SYNPR: variants seen among roughly 807,000 people sequenced by gnomAD.
The protein encoded by SYNPR is synaptoporin.
In SYNPR, 23 loss-of-function variants were observed where a neutral mutation model predicts 32.9. The ratio of observed to expected loss-of-function variants is 0.70; its 90% CI spans 0.50 to 0.99. The LOEUF is 0.99. SYNPR is among the 50% of genes least tolerant of loss of function. The probability of loss-of-function intolerance (pLI) is 0.00; values close to 1 mark genes in which losing one functional copy is unlikely to be tolerated. For missense variants in SYNPR, 318 were observed against 349.3 expected, an observed-to-expected ratio of 0.91 and a Z score of 0.71; for synonymous variants, 146 against 135.9, an observed-to-expected ratio of 1.07 and a Z score of -0.52.
At chr3:63,554,752 T>C (rs1456336849) in intron 3 of SYNPR, among the ~76,000 whole-genome samples, 1 of 152,020 alleles carries the variant, frequency 6.6e-6, no homozygotes, top group African/African-American at 2.4e-5. Flanking sequence ...CTGTGAAGAA[T>C]GACATTGGTA....
intron 2 of SYNPR, among the ~76,000 whole-genome samples, chr3:63,337,269 A>G (rs2087307229): frequency 6.6e-6 from 1 of 151,682 alleles, no homozygotes; most frequent in South Asian, 2.1e-4. Flanking sequence ...TGCTCAACAT[A>G]AAATGTCATT....
chr3:63,420,963 C>A (rs1224003749), intron 2 of SYNPR, among the ~76,000 whole-genome samples: 1 of 152,144 alleles, frequency 6.6e-6, no homozygotes, highest in African/African-American at 2.4e-5. Flanking sequence ...TCACTGCAGC[C>A]TCAACCTCCC....
chr3:63,362,956 C>T (rs2087680783), intron 2 of SYNPR, among the ~76,000 whole-genome samples: 1 of 152,100 alleles, frequency 6.6e-6, no homozygotes. Flanking sequence ...AGGAGACTGC[C>T]ACCACCACTA....
the SYNPR span, among the ~76,000 whole-genome samples, chr3:63,222,259 T>TA: frequency 6.6e-6 from 1 of 151,912 alleles, no homozygotes; most frequent in African/African-American, 2.4e-5. Flanking sequence ...AACCCTGATA[T>TA]AAAGGTGATA....
chr3:63,578,053 T>C (rs1703018504), intron 4 of SYNPR, among the ~76,000 whole-genome samples: 2 of 152,178 alleles, frequency 1.3e-5, no homozygotes, highest in Non-Finnish European at 2.9e-5. Context: ...ACATGCACTA[T>C]GTCATTTAAA....
At chr3:63,264,866 A>C (rs1321697755) in intron 2 of SYNPR, among the ~76,000 whole-genome samples, 1 of 151,976 alleles carries the variant, frequency 6.6e-6, no homozygotes, top group Admixed American at 6.6e-5. Flanking sequence ...AAACCGTCAG[A>C]TCTCCCGAGA....
At chr3:63,518,092 T>C (rs1170146021) in intron 3 of SYNPR, among the ~76,000 whole-genome samples, 1 of 152,096 alleles carries the variant, frequency 6.6e-6, no homozygotes, top group Admixed American at 6.6e-5. Flanking sequence ...TTACAGATTA[T>C]ATGACCATAC....
chr3:63,572,076 C>A (rs917297423), intron 4 of SYNPR, among the ~76,000 whole-genome samples: 1 of 152,186 alleles, frequency 6.6e-6, no homozygotes, highest in Non-Finnish European at 1.5e-5. Flanking sequence ...ACCCTCACAT[C>A]CACTTGACTT....
chr3:63,535,431 C>A (rs11924284), intron 3 of SYNPR, among the ~76,000 whole-genome samples: 33,245 of 151,930 alleles, frequency 0.22, 3,699 homozygotes, highest in East Asian at 0.32. Context: ...AGTAGGACTA[C>A]ATACAGAAGA....
chr3:63,562,031 CAGTA>C (rs1702699649), intron 4 of SYNPR, among the ~76,000 whole-genome samples: 1 of 152,162 alleles, frequency 6.6e-6, no homozygotes, highest in Non-Finnish European at 1.5e-5. Context: ...TATGTCACTA[CAGTA>C]AGTGTCTTCA....
chr3:63,409,058 A>G (rs1019102999), intron 2 of SYNPR, among the ~76,000 whole-genome samples: 23 of 151,980 alleles, frequency 1.5e-4, no homozygotes, highest in Admixed American at 5.2e-4. Context: ...CTGACTCCCT[A>G]AAGATCAATC....
chr3:63,561,107 G>T (rs557601895), intron 4 of SYNPR, among the ~76,000 whole-genome samples: 1 of 152,216 alleles, frequency 6.6e-6, no homozygotes, highest in South Asian at 2.1e-4. Flanking sequence ...TAAGAAATCC[G>T]ATACCCTTCC....
chr3:63,207,755 G>C, the SYNPR span, among the ~76,000 whole-genome samples: 1 of 152,000 alleles, frequency 6.6e-6, no homozygotes, highest in Non-Finnish European at 1.5e-5. Flanking sequence ...AAAATCTCCT[G>C]TCCAGTTACC....
intron 2 of SYNPR, among the ~76,000 whole-genome samples, chr3:63,332,718 C>T (rs781250237): frequency 3.9e-5 from 6 of 152,146 alleles, no homozygotes; most frequent in Admixed American, 6.5e-5. Context: ...TGAATTGAAG[C>T]CCAGAGTGGT....
At chr3:63,498,731 C>T (rs1041452926) in intron 3 of SYNPR, among the ~76,000 whole-genome samples, 2 of 151,958 alleles carry the variant, frequency 1.3e-5, no homozygotes, top group African/African-American at 4.8e-5. Context: ...TGCAGTGAGG[C>T]GGGGAGGAGC....
At chr3:63,242,860 A>G (rs957413269) in intron 1 of SYNPR, among the ~76,000 whole-genome samples, 1 of 152,120 alleles carries the variant, frequency 6.6e-6, no homozygotes, top group African/African-American at 2.4e-5. Flanking sequence ...CAAGCACAAA[A>G]CAGTATGAAT....
At chr3:63,401,497 G>C (rs1345034362) in intron 2 of SYNPR, among the ~76,000 whole-genome samples, 1 of 152,174 alleles carries the variant, frequency 6.6e-6, no homozygotes, top group Non-Finnish European at 1.5e-5. Flanking sequence ...CTCCCATGCT[G>C]TTCCTAAGGA....
chr3:63,320,277 T>G (rs867466600), intron 2 of SYNPR, among the ~76,000 whole-genome samples: 1 of 151,994 alleles, frequency 6.6e-6, no homozygotes, highest in African/African-American at 2.4e-5. Context: ...ATTTCCTGAT[T>G]ATAATTTCTT....
chr3:63,393,914 T>G (rs965815636), intron 2 of SYNPR, among the ~76,000 whole-genome samples: 6 of 152,212 alleles, frequency 3.9e-5, no homozygotes, highest in African/African-American at 1.4e-4. Flanking sequence ...ACATTTCTGT[T>G]TATATCTTTT....
Sources: gnomAD v4.1 joint callset for allele counts (sites outside exome capture counted in the v4.1 genomes callset) on GRCh38, gnomAD v4.1.1 for gene constraint, MANE v1.5 for transcripts, NCBI Gene and HGNC (gene_info 2026-07-23, HGNC 2026-07-21) for gene names.